The following CCDC138 variants were observed in gnomAD, a reference collection of about 807,000 sequenced individuals.
CCDC138 encodes the protein coiled-coil domain containing 138, also known as coiled-coil domain-containing protein 138.
Under a neutral mutation model 82.3 loss-of-function variants are expected in CCDC138, and 66 were observed. The observed-to-expected ratio is 0.80, with a 90% CI of 0.66 to 0.98. The LOEUF (loss-of-function observed/expected upper bound fraction) is 0.98, where lower values mean the gene tolerates loss of function less well. Ranked by LOEUF, CCDC138 falls within the 50% of genes least tolerant of loss-of-function variation. CCDC138 has a pLI of 0.00. For synonymous variants in CCDC138, 297 were observed against 265.4 expected (o/e 1.12, Z -1.16); for missense variants, 816 against 758.9 (o/e 1.08, Z -0.88).
intron 10 of CCDC138, among the ~76,000 whole-genome samples, chr2:108,830,131 A>T (rs1337211720): frequency 6.6e-6 from 1 of 152,222 alleles, no homozygotes; most frequent in East Asian, 1.9e-4. Context: ...CCCTGAAGCT[A>T]TTGTAAATGA....
At chr2:108,841,975 A>G (rs1032617731) in intron 11 of CCDC138, among the ~76,000 whole-genome samples, 1 of 152,030 alleles carries the variant, frequency 6.6e-6, no homozygotes, top group African/African-American at 2.4e-5. Context: ...GATGGAGAGT[A>G]CCCCTCCAAT....
intron 13 of CCDC138, among the ~76,000 whole-genome samples, chr2:108,865,840 C>A (rs749553598): frequency 5.3e-5 from 8 of 152,118 alleles, no homozygotes; most frequent in Admixed American, 2.0e-4. Flanking sequence ...CTATAGTGAT[C>A]AACACCCCAA....
At chr2:108,865,442 T>C (rs77051009) in intron 13 of CCDC138, among the ~76,000 whole-genome samples, 10,454 of 152,260 alleles carry the variant, frequency 0.069, 412 homozygotes, top group African/African-American at 0.097. Context: ...GGGGAAAATA[T>C]TTCCTTGTTT....
At chr2:108,881,407 T>A (rs1696287223), downstream of CCDC138, among the ~76,000 whole-genome samples, 1 of 152,242 alleles carries the variant, frequency 6.6e-6, no homozygotes, top group Non-Finnish European at 1.5e-5. Flanking sequence ...CCGATTTGTA[T>A]CAAGACCACT....
rs146848524 is a variant in CCDC138, at chr2:108,787,482, G to T, written c.94-550G>T. Among the ~76,000 whole-genome samples the T allele has an allele frequency of 5.0e-3, 762 of 152,192 alleles. 4 individuals are homozygous for T. The highest frequency in any genetic ancestry group is 0.021 in the South Asian group (103 of 4,830). On this transcript the variant is annotated intron_variant, in intron 1 of 14. Transcript: ENST00000295124. ...GTGCATTTTTCCTAAGCATAAGGAC[G>T]TTGTCTTTTAATAACCACAGTAATA...
chr2:108,820,307 G>A (rs902879538), intron 10 of CCDC138, among the ~76,000 whole-genome samples: 1 of 152,092 alleles, frequency 6.6e-6, no homozygotes, highest in Non-Finnish European at 1.5e-5. Flanking sequence ...ACGAAGAAAA[G>A]TGACGACAGT....
Position 108,846,885 on chromosome 2 carries a change from TTGAGATTTTTATCAAC to T in CCDC138, c.1472_1487del (p.Leu491SerfsTer2). The T allele has an allele frequency of 6.2e-7, 1 of 1,613,442 alleles. No individual in the cohort carries two copies. On this transcript the variant is annotated frameshift_variant, in exon 12 of 15. Transcript: ENST00000295124. LOFTEE classifies it high-confidence loss of function. ...TTTCTTTAAGAGCTCCAATTTGCCA[TTGAGATTTTTATCAAC>T]CTTAATTGTTCTCAAAACAGTCACT... is the stretch of plus-strand genomic sequence containing the variant.
At chr2:108,822,637 A>G (rs913706355) in intron 10 of CCDC138, among the ~76,000 whole-genome samples, 2 of 152,214 alleles carry the variant, frequency 1.3e-5, no homozygotes, top group Non-Finnish European at 2.9e-5. Flanking sequence ...CCTCAAACCA[A>G]GGAAGGATAA....
At chr2:108,855,626 C>T (rs1416802951) in intron 12 of CCDC138, among the ~76,000 whole-genome samples, 1 of 152,002 alleles carries the variant, frequency 6.6e-6, no homozygotes, top group African/African-American at 2.4e-5. Flanking sequence ...GTTGGTGTTC[C>T]TTGAACTAAA....
chr2:108,845,684 G>C (rs1436690538), intron 11 of CCDC138, among the ~76,000 whole-genome samples: 1 of 149,852 alleles, frequency 6.7e-6, no homozygotes, highest in Non-Finnish European at 1.5e-5. Flanking sequence ...CCATTCTCCT[G>C]TCTCAGCCTC....
At chr2:108,849,522 GACCAC>G (rs1691075313) in intron 12 of CCDC138, among the ~76,000 whole-genome samples, 2 of 152,026 alleles carry the variant, frequency 1.3e-5, no homozygotes, top group African/African-American at 2.4e-5. Flanking sequence ...CCTCTCCCTA[GACCAC>G]AGACAGGCCC....
intron 10 of CCDC138, among the ~76,000 whole-genome samples, chr2:108,834,294 C>T (rs1688229936): frequency 6.6e-6 from 1 of 150,688 alleles, no homozygotes; most frequent in South Asian, 2.1e-4. Context: ...CTCACTGCAA[C>T]CTCTGCTTCC....
intron 11 of CCDC138, among the ~76,000 whole-genome samples, chr2:108,840,540 C>G (rs1585709): frequency 0.78 from 119,354 of 152,090 alleles, 47,650 homozygotes; most frequent in East Asian, 0.92. Flanking sequence ...TAATTCATAT[C>G]GATGATTTGT....
chr2:108,842,949 G>T (rs1316546592), intron 11 of CCDC138, among the ~76,000 whole-genome samples: 1 of 151,886 alleles, frequency 6.6e-6, no homozygotes, highest in Admixed American at 6.6e-5. Flanking sequence ...TTCTGTATAC[G>T]CTTAGAACCA....
chr2:108,883,559 G>A (rs1696349455), intron 2 of CCDC138: 1 of 152,268 alleles, frequency 6.6e-6, no homozygotes, highest in Admixed American at 6.5e-5. Flanking sequence ...ATAATGGTTT[G>A]CCTTAATGAA....
At chr2:108,788,461 G>A (rs13400722) in intron 2 of CCDC138, among the ~76,000 whole-genome samples, 4,191 of 151,872 alleles carry the variant, frequency 0.028, 190 homozygotes, top group African/African-American at 0.094. Flanking sequence ...GCTCACGCCT[G>A]TAATCCCAGC....
At position 108,816,098 on chromosome 2, in the gene CCDC138, G is replaced by T. The variant is rs755395858; in HGVS notation, c.1199G>T (p.Cys400Phe). 1.9e-6 allele frequency: 3 copies of T among 1,600,342 alleles called. No individual in the cohort carries two copies. The highest frequency in any genetic ancestry group is 2.6e-6 in the Non-Finnish European group (3 of 1,174,672). Residue 400 changes from cysteine (C) to phenylalanine (F), a missense_variant, in exon 10 of 15, where the codon TGT becomes TTT. Cys to Phe is a radical substitution (Grantham distance 205, BLOSUM62 -2). Coordinates refer to ENST00000295124, the MANE Select transcript of CCDC138 (RefSeq NM_144978.3). Reference sequence around the variant, plus strand: ...CAGAGAAATGATATTCAGGAGAAGTGTGTAAAGGTTTGTTTTTTAATTTGA... The same window carrying T: ...CAGAGAAATGATATTCAGGAGAAGTTTGTAAAGGTTTGTTTTTTAATTTGA... ...ASQRNDIQEKCVKLLPLMTEQ... is the reference protein window; with the variant it reads ...ASQRNDIQEKFVKLLPLMTEQ...
chr2:108,804,559 A>G (rs542022699), intron 6 of CCDC138, among the ~76,000 whole-genome samples: 1 of 152,252 alleles, frequency 6.6e-6, no homozygotes, highest in East Asian at 1.9e-4. Context: ...TTACTGTTTT[A>G]TTATTCCATG....
chr2:108,803,154 C>T (rs1429205636), intron 6 of CCDC138, among the ~76,000 whole-genome samples: 1 of 152,190 alleles, frequency 6.6e-6, no homozygotes, highest in Non-Finnish European at 1.5e-5. Flanking sequence ...AAAGTGTTAG[C>T]CAAGACTTAG....
Sources: gnomAD v4.1 joint callset for allele counts (sites outside exome capture counted in the v4.1 genomes callset) on GRCh38, gnomAD v4.1.1 for gene constraint, MANE v1.5 for transcripts, NCBI Gene and HGNC (gene_info 2026-07-23, HGNC 2026-07-21) for gene names.